INTU: variants seen among roughly 807,000 people sequenced by gnomAD.
INTU encodes the protein protein inturned.
INTU carries 68 observed loss-of-function variants against 100.5 expected under a neutral mutation model. That is an observed-to-expected ratio of 0.68 (90% CI 0.56 to 0.83). The LOEUF (loss-of-function observed/expected upper bound fraction) is 0.83, where lower values mean the gene tolerates loss of function less well. Ranked by LOEUF, INTU falls within the 40% of genes least tolerant of loss-of-function variation. INTU has a pLI of 0.00. For synonymous variants in INTU, 357 were observed against 395.7 expected (o/e 0.90, Z 1.16); for missense variants, 1,071 against 1,114.7 (o/e 0.96, Z 0.56).
chr4:127,698,751 C>A (rs1279165348), intron 8 of INTU, among the ~76,000 whole-genome samples: 1 of 151,920 alleles, frequency 6.6e-6, no homozygotes, highest in Non-Finnish European at 1.5e-5. Flanking sequence ...GGAATATAAA[C>A]AAACATATAT....
At chr4:127,643,331 A>T (rs1156479265) in intron 1 of INTU, among the ~76,000 whole-genome samples, 190 bp from the exon 2 acceptor site, 2 of 152,204 alleles carry the variant, frequency 1.3e-5, no homozygotes, top group Non-Finnish European at 2.9e-5. Flanking sequence ...CAAAAAAAGC[A>T]TCCTATATGA....
In INTU at chr4:127,638,436, G is replaced by T. The variant is rs181217718; in HGVS notation, c.147-5085G>T. On this transcript the variant is annotated intron_variant, in intron 1 of 15. Transcript: ENST00000335251. The stretch of plus-strand genomic sequence containing the variant: ...CTGGCTGTTTTATAACTCCTTTCTT[G>T]TGGTAGTTAAGGAAATTGCTGTACT... 3.3e-5 allele frequency among the ~76,000 whole-genome samples: 5 copies of T among 152,236 alleles called. No individual in the cohort carries two copies. The East Asian group carries it at 9.6e-4, about 29-fold the overall frequency.
rs76290329 is a variant in INTU at position 127,664,984 on chromosome 4, A to G, written c.972+1400A>G. Among the ~76,000 whole-genome samples, 4 of 151,616 alleles carry G rather than the reference A, an allele frequency of 2.6e-5. No homozygotes were observed. In the East Asian group the frequency reaches 7.8e-4, roughly 29 times the overall value. On this transcript the variant is annotated intron_variant, in intron 4 of 15. Transcript: ENST00000335251. Reference sequence around the variant, plus strand: ...ATATACTCTTTCTTTTTTTTAAATGATTACACTTAAAATTTAACATGATAT... The same window carrying G: ...ATATACTCTTTCTTTTTTTTAAATGGTTACACTTAAAATTTAACATGATAT...
chr4:127,702,345 T>A (rs1328821906), intron 9 of INTU, among the ~76,000 whole-genome samples: 1 of 152,214 alleles, frequency 6.6e-6, no homozygotes, highest in East Asian at 1.9e-4. Context: ...GTTCCTATCT[T>A]TTTAAACCAA....
At chr4:127,701,660 G>C (rs967792795) in intron 9 of INTU, among the ~76,000 whole-genome samples, 58 of 152,280 alleles carry the variant, frequency 3.8e-4, no homozygotes, top group African/African-American at 1.2e-3. Flanking sequence ...TGATGATACA[G>C]ATGAAACAAG....
intron 15 of INTU, among the ~76,000 whole-genome samples, chr4:127,715,377 T>C (rs1407275108): frequency 6.6e-6 from 1 of 152,194 alleles, no homozygotes; most frequent in Non-Finnish European, 1.5e-5. Flanking sequence ...ACAGACACTT[T>C]ACAGACATTA....
rs1157997731 is a variant in INTU at position 127,726,280 on chromosome 4, A to G, written c.*9844A>G. 2 of 152,186 alleles carry G rather than the reference A, an allele frequency of 1.3e-5. No individual in the cohort carries two copies. Among genetic ancestry groups the G allele is most frequent in the African/African-American group, 2.4e-5 (1 of 41,444 alleles). The allele number at this position is 152,186 out of a possible 1,614,324, so 9.4% of individuals were successfully genotyped here. A position where few individuals can be genotyped will look rare whatever the true frequency, so the allele number is the denominator to read the frequency against. The stretch of plus-strand genomic sequence containing the variant: ...TAATGGCAAGATAGCATTTTGTAAT[A>G]CCTGCTTTTTTATATTTCTAATACA... On this transcript the variant is annotated 3_prime_UTR_variant, in exon 16 of 16. Coordinates refer to ENST00000335251, the MANE Select transcript of INTU (RefSeq NM_015693.4).
chr4:127,701,997 T>C (rs1215239033), intron 9 of INTU, among the ~76,000 whole-genome samples: 2 of 152,076 alleles, frequency 1.3e-5, no homozygotes, highest in East Asian at 3.9e-4. Flanking sequence ...TAATGGAAAA[T>C]GTTTAGATGG....
chr4:127,705,500 C>A, intron 10 of INTU, 91 bp from the exon 11 acceptor site: 1 of 933,816 alleles, frequency 1.1e-6, no homozygotes, highest in South Asian at 1.5e-5. Flanking sequence ...TCTAAACCAA[C>A]GGAAGAAGTG....
rs768632844 is a variant in INTU, at chr4:127,711,108, G to C, written c.2559+6G>C. The C allele has an allele frequency of 1.3e-6, 2 of 1,564,982 alleles. No individual in the cohort carries two copies. Among genetic ancestry groups the C allele is most frequent in the East Asian group, 4.5e-5 (2 of 44,008 alleles). ...AACAGACATTGGTGGAAGAGGTAGG[G>C]CACTGCTATAAATACAGTTTTCTGC... On this transcript the variant is annotated splice_donor_region_variant and intron_variant, in intron 14 of 15. Coordinates refer to ENST00000335251, the MANE Select transcript of INTU (RefSeq NM_015693.4).
At chr4:127,666,959 A>C (rs1419837562) in intron 4 of INTU, among the ~76,000 whole-genome samples, 2 of 152,192 alleles carry the variant, frequency 1.3e-5, no homozygotes, top group Non-Finnish European at 2.9e-5. Flanking sequence ...GAAGGAATTT[A>C]CTTAGACACA....
chr4:127,694,916 T>C (rs542250439), intron 8 of INTU, among the ~76,000 whole-genome samples: 1 of 152,216 alleles, frequency 6.6e-6, no homozygotes, highest in Non-Finnish European at 1.5e-5. Flanking sequence ...AGGTTTATAT[T>C]AAGTCTTAAA....
chr4:127,712,597 A>C (rs1731133140), intron 14 of INTU, among the ~76,000 whole-genome samples: 1 of 152,218 alleles, frequency 6.6e-6, no homozygotes, highest in Admixed American at 6.5e-5. Context: ...ATTAGAAAAT[A>C]GTATGCTGAG....
intron 3 of INTU, among the ~76,000 whole-genome samples, chr4:127,656,948 A>C (rs1728257519): frequency 6.6e-6 from 1 of 152,212 alleles, no homozygotes; most frequent in Non-Finnish European, 1.5e-5. Context: ...TACATAAAGC[A>C]GTAACAGCAA....
At chr4:127,640,148 T>C (rs1320479917) in intron 1 of INTU, among the ~76,000 whole-genome samples, 3 of 152,142 alleles carry the variant, frequency 2.0e-5, no homozygotes. Flanking sequence ...CTGATATTTA[T>C]TTGGAACTTA....
At chr4:127,664,140 G>A (rs1728595889) in intron 4 of INTU, among the ~76,000 whole-genome samples, 1 of 151,928 alleles carries the variant, frequency 6.6e-6, no homozygotes, top group African/African-American at 2.4e-5. Flanking sequence ...TAGTTTTTAT[G>A]TTTTACATAT....
In INTU at chr4:127,716,377, T is replaced by G. The variant is rs1286287194; in HGVS notation, c.2770T>G (p.Ser924Ala). The G allele has an allele frequency of 6.3e-7, 1 of 1,591,830 alleles. No homozygotes were observed. Among genetic ancestry groups the G allele is most frequent in the Admixed American group, 1.8e-5 (1 of 56,382 alleles). The change falls in exon 16 of 16, where the codon TCA becomes GCA. Residue 924 changes from serine to alanine, a missense_variant. By Grantham distance (99) the Ser-to-Ala change is moderately conservative. Transcript: ENST00000335251. The part of the protein sequence containing the change: ...PQELYVCFHD[S>A]VTEIAIEIAF... ...AGAACTTTATGTCTGTTTTCATGAC[T>G]CAGTCACAGAAATTGCCATTGAAAT...
chr4:127,697,853 G>C (rs1273926257), intron 8 of INTU, among the ~76,000 whole-genome samples: 1 of 152,132 alleles, frequency 6.6e-6, no homozygotes, highest in African/African-American at 2.4e-5. Flanking sequence ...AGGCATGGTG[G>C]CTTATGCCTG....
chr4:127,705,547 T>A (rs1466802374), intron 10 of INTU, 44 bp from the exon 11 acceptor site: 1 of 1,419,060 alleles, frequency 7.0e-7, no homozygotes, highest in Non-Finnish European at 1.0e-6. Context: ...GGACTATTGC[T>A]TTATATCACT....
Sources: allele counts gnomAD v4.1 joint callset (sites outside exome capture counted in the v4.1 genomes callset), GRCh38; gene constraint gnomAD v4.1.1; transcripts MANE v1.5; gene names NCBI Gene and HGNC (gene_info 2026-07-23, HGNC 2026-07-21).